B3GNT2: variants seen among roughly 807,000 people sequenced by gnomAD.
B3GNT2 encodes the protein UDP-GlcNAc:betaGal beta-1,3-N-acetylglucosaminyltransferase 2, also known as N-acetyllactosaminide beta-1,3-N-acetylglucosaminyltransferase 2.
Under a neutral mutation model 27.6 loss-of-function variants are expected in B3GNT2, and 12 were observed. That is an observed-to-expected ratio of 0.44 (90% confidence interval 0.28 to 0.71). The LOEUF is 0.71. Among genes scored for constraint, B3GNT2 ranks in the 30% least tolerant of loss-of-function variants. The pLI, the probability that B3GNT2 is intolerant of heterozygous loss-of-function variation, is 0.17. For missense variants in B3GNT2, 413 were observed against 488.5 expected, an observed-to-expected ratio of 0.85 and a Z score of 1.46; for synonymous variants, 192 against 189.7, an observed-to-expected ratio of 1.01 and a Z score of -0.10.
intron 1 of B3GNT2, among the ~76,000 whole-genome samples, chr2:62,214,349 A>T (rs1674531858): frequency 6.6e-6 from 1 of 151,982 alleles, no homozygotes; most frequent in Non-Finnish European, 1.5e-5. Flanking sequence ...TAGAGGAGAG[A>T]TGAGGAGGGA....
chr2:62,212,660 CAGG>C (rs1403157053), intron 1 of B3GNT2, among the ~76,000 whole-genome samples: 21 of 151,700 alleles, frequency 1.4e-4, no homozygotes, highest in Non-Finnish European at 1.5e-5. Flanking sequence ...CCTAGGTACC[CAGG>C]AGTTTTTCTG....
chr2:62,219,995 C>T (rs1330686312), intron 1 of B3GNT2, among the ~76,000 whole-genome samples: 1 of 152,336 alleles, frequency 6.6e-6, no homozygotes, highest in East Asian at 1.9e-4. Context: ...GTGTTAACTA[C>T]AGGAGCACTT....
At chr2:62,217,432 C>T (rs1674598134) in intron 1 of B3GNT2, among the ~76,000 whole-genome samples, 1 of 152,202 alleles carries the variant, frequency 6.6e-6, no homozygotes, top group South Asian at 2.1e-4. Context: ...AGAGTATCTG[C>T]CTCAAAGGAT....
chr2:62,209,142 C>T (rs919535242), intron 1 of B3GNT2, among the ~76,000 whole-genome samples: 2 of 152,142 alleles, frequency 1.3e-5, no homozygotes, highest in Non-Finnish European at 2.9e-5. Context: ...CCACCATACC[C>T]GGCTAATTTC....
At chr2:62,211,418 G>A (rs1024764399) in intron 1 of B3GNT2, among the ~76,000 whole-genome samples, 16 of 151,796 alleles carry the variant, frequency 1.1e-4, no homozygotes, top group African/African-American at 3.9e-4. Flanking sequence ...TGGCAGGGGA[G>A]TTAGAGATCC....
At chr2:62,204,524 T>G (rs1674331326) in intron 1 of B3GNT2, among the ~76,000 whole-genome samples, 1 of 152,252 alleles carries the variant, frequency 6.6e-6, no homozygotes, top group South Asian at 2.1e-4. Context: ...GGTCGAAGTG[T>G]TACAAATGCT....
chr2:62,209,400 G>T (rs1266948067), intron 1 of B3GNT2, among the ~76,000 whole-genome samples: 3 of 152,162 alleles, frequency 2.0e-5, no homozygotes, highest in Admixed American at 6.5e-5. Context: ...CCCTGGGAAA[G>T]AAATTCTTGG....
chr2:62,223,516 C>T lies in B3GNT2; in HGVS notation c.*102C>T, dbSNP rs971213945. 1.1e-5 allele frequency: 12 copies of T among 1,079,654 alleles called. No homozygotes were observed. The Admixed American group carries it at 3.3e-4, about 30-fold the overall frequency. 66.9% of individuals were successfully genotyped at this position (1,079,654 alleles called of 1,614,324 possible). On this transcript the variant is annotated 3_prime_UTR_variant, in exon 2 of 2. Transcript: ENST00000301998. ...TTTCTATATTAAACCATGAAAATTG[C>T]CTTTATGAGTGATACCCATTTGAGG... is the stretch of plus-strand genomic sequence containing the variant.
chr2:62,213,936 G>A (rs1674525317), intron 1 of B3GNT2, among the ~76,000 whole-genome samples: 1 of 152,150 alleles, frequency 6.6e-6, no homozygotes, highest in Admixed American at 6.5e-5. Context: ...TAAGTCTCAG[G>A]TACCACGTGC....
rs761760025 is a variant in B3GNT2, at chr2:62,222,884, C to T, written c.664C>T (p.Leu222=). 1.2e-6 allele frequency: 2 copies of T among 1,614,192 alleles called. No homozygotes were observed. ...NYRDTFFNLS[L]KEVLFLRWVS... ...CAGAGACACTTTCTTCAACTTGTCT[C>T]TGAAGGAAGTGCTGTTTCTCAGGTG... is the stretch of plus-strand genomic sequence containing the variant. The change falls in exon 2 of 2, where the codon CTG becomes TTG. Residue 222 remains leucine (L), a synonymous_variant. Coordinates refer to ENST00000301998, the MANE Select transcript of B3GNT2 (RefSeq NM_006577.6). The surrounding 1 kb of genome is among the most constrained non-coding windows in gnomAD (Gnocchi z 4.2).
chr2:62,220,684 CA>C (rs1179993089), intron 1 of B3GNT2, among the ~76,000 whole-genome samples: 12 of 152,186 alleles, frequency 7.9e-5, no homozygotes, highest in African/African-American at 2.7e-4. Context: ...TGTACCTCCT[CA>C]GGTATAAAAT....
chr2:62,201,208 TG>T (rs1674257767), intron 1 of B3GNT2, among the ~76,000 whole-genome samples: 1 of 152,226 alleles, frequency 6.6e-6, no homozygotes, highest in African/African-American at 2.4e-5. Context: ...TTTAATACTT[TG>T]TTGATATAGC....
At chr2:62,209,330 C>G (rs1309489479) in intron 1 of B3GNT2, among the ~76,000 whole-genome samples, 2 of 152,168 alleles carry the variant, frequency 1.3e-5, no homozygotes, top group African/African-American at 2.4e-5. Flanking sequence ...AAGGCTCTGT[C>G]TCCCTGTGCC....
intron 1 of B3GNT2, among the ~76,000 whole-genome samples, chr2:62,197,356 G>T (rs1443671835): frequency 6.6e-6 from 1 of 152,218 alleles, no homozygotes; most frequent in Non-Finnish European, 1.5e-5. Context: ...AAGTAGAGGA[G>T]CCGTCGGGAG....
chr2:62,218,082 T>C (rs1674608874), intron 1 of B3GNT2, among the ~76,000 whole-genome samples: 1 of 148,352 alleles, frequency 6.7e-6, no homozygotes, highest in Non-Finnish European at 1.5e-5. Flanking sequence ...TTTTCTTAAA[T>C]TCTTCTTACG....
chr2:62,197,354 G>T (rs1187555956), intron 1 of B3GNT2, among the ~76,000 whole-genome samples: 1 of 152,206 alleles, frequency 6.6e-6, no homozygotes, highest in Non-Finnish European at 1.5e-5. Flanking sequence ...TCAAGTAGAG[G>T]AGCCGTCGGG....
Position 62,223,699 on chromosome 2 carries a change from G to T in B3GNT2, c.*285G>T, listed in dbSNP as rs1400259615. The stretch of plus-strand genomic sequence containing the variant: ...CCCTCTTATCTGAAATCCTGTTTCT[G>T]GAATTTGGCCATTTTAAGTGATTTT... On this transcript the variant is annotated 3_prime_UTR_variant, in exon 2 of 2. Transcript: ENST00000301998. The T allele has an allele frequency of 7.1e-6, 2 of 281,358 alleles. No homozygotes were observed. Among genetic ancestry groups the T allele is most frequent in the South Asian group, 8.3e-5 (1 of 12,096 alleles). 17.4% of individuals were successfully genotyped at this position (281,358 alleles called of 1,614,324 possible). A position where few individuals can be genotyped will look rare whatever the true frequency, so the allele number is the denominator to read the frequency against.
intron 1 of B3GNT2, among the ~76,000 whole-genome samples, chr2:62,197,232 A>G (rs1013151827): frequency 1.5e-4 from 23 of 152,080 alleles, no homozygotes; most frequent in Non-Finnish European, 1.0e-4. Flanking sequence ...CGGCTACTCC[A>G]GCACGGCAGG....
chr2:62,199,264 G>A (rs1275492107), intron 1 of B3GNT2, among the ~76,000 whole-genome samples: 2 of 152,228 alleles, frequency 1.3e-5, no homozygotes, highest in Non-Finnish European at 2.9e-5. Flanking sequence ...TTCTAGCAAT[G>A]CTAGGGTTTC....
Sources: gnomAD v4.1 joint callset for allele counts (sites outside exome capture counted in the v4.1 genomes callset) on GRCh38, gnomAD v4.1.1 for gene constraint, Gnocchi (gnomAD v3.1) non-coding constraint, MANE v1.5 for transcripts, NCBI Gene and HGNC (gene_info 2026-07-23, HGNC 2026-07-21) for gene names.